CCDC91: variants seen among roughly 807,000 people sequenced by gnomAD.
CCDC91 encodes the protein coiled-coil domain containing 91.
In CCDC91, 48 loss-of-function variants were observed where a neutral mutation model predicts 63.2. The observed-to-expected ratio is 0.76, with a 90% CI of 0.60 to 0.97. CCDC91 has a LOEUF of 0.97. Ranked by LOEUF, CCDC91 falls within the 50% of genes least tolerant of loss-of-function variation. The pLI is 0.00. For missense variants in CCDC91, 500 were observed against 494.6 expected (o/e 1.01, Z -0.10); for synonymous variants, 167 against 165.8 (o/e 1.01, Z -0.06).
At chr12:28,357,622 T>C (rs1035865746) in intron 6 of CCDC91, among the ~76,000 whole-genome samples, 2 of 152,084 alleles carry the variant, frequency 1.3e-5, no homozygotes, top group Admixed American at 6.5e-5. Flanking sequence ...CAAATAAGCA[T>C]TAGGGTGGCT....
At chr12:28,257,545 T>G (rs573384637) in intron 2 of CCDC91, among the ~76,000 whole-genome samples, 4 of 152,248 alleles carry the variant, frequency 2.6e-5, no homozygotes, top group Non-Finnish European at 5.9e-5. Context: ...CAGATGATTT[T>G]ATTGGGATAC....
intron 11 of CCDC91, among the ~76,000 whole-genome samples, chr12:28,458,563 G>A (rs1335478727): frequency 7.5e-6 from 1 of 133,296 alleles, no homozygotes. Context: ...TCCCCCTCCT[G>A]GTTTCAAGCA....
intron 12 of CCDC91, among the ~76,000 whole-genome samples, chr12:28,531,561 T>G (rs1941734568): frequency 6.6e-6 from 1 of 152,210 alleles, no homozygotes; most frequent in Non-Finnish European, 1.5e-5. Context: ...ATCACTCATG[T>G]ACTGAGTACT....
chr12:28,487,463 A>G (rs1348635797), intron 12 of CCDC91, among the ~76,000 whole-genome samples: 1 of 151,884 alleles, frequency 6.6e-6, no homozygotes, highest in East Asian at 1.9e-4. Flanking sequence ...CAAAAAAGAT[A>G]TCTCAGAGCT....
At chr12:28,319,090 T>C (rs10843152) in intron 6 of CCDC91, among the ~76,000 whole-genome samples, 30,588 of 151,942 alleles carry the variant, frequency 0.2, 4,008 homozygotes, top group Non-Finnish European at 0.3. Flanking sequence ...GTTTTTCTGT[T>C]CCAAATGTTT....
At chr12:28,540,428 T>C (rs1182585195) in intron 12 of CCDC91, among the ~76,000 whole-genome samples, 1 of 152,178 alleles carries the variant, frequency 6.6e-6, no homozygotes, top group Non-Finnish European at 1.5e-5. Context: ...GACAGGTTTT[T>C]GCATTAGTGT....
intron 3 of CCDC91, among the ~76,000 whole-genome samples, chr12:28,281,851 T>A (rs183013771): frequency 1.7e-4 from 26 of 152,270 alleles, no homozygotes; most frequent in Admixed American, 5.9e-4. Flanking sequence ...AAGGACATAC[T>A]TTTTTGGTTT....
At chr12:28,412,924 C>T (rs1388728733) in intron 8 of CCDC91, 1 of 370,914 alleles carries the variant, frequency 2.7e-6, no homozygotes, top group Non-Finnish European at 5.4e-6. Flanking sequence ...CTCAATTCCA[C>T]CAGGAAGAAT....
rs1244791104 is a variant in CCDC91, at chr12:28,305,568, C to T, written c.110-81C>T. ...TTTTTTCTTTTCCTCTATTTCAGCT[C>T]TCTTTCTTCCTTTCAACCTGTTCCC... On this transcript the variant is annotated intron_variant, in intron 3 of 12. Transcript: ENST00000536442. The T allele has an allele frequency of 5.0e-6, 6 of 1,210,960 alleles. No individual in the cohort carries two copies. In the African/African-American group the frequency reaches 9.4e-5, roughly 19 times the overall value. The allele number at this position is 1,210,960 out of a possible 1,614,324, so 75.0% of individuals were successfully genotyped here.
At chr12:28,542,025 G>T (rs992124562) in intron 12 of CCDC91, among the ~76,000 whole-genome samples, 6 of 151,858 alleles carry the variant, frequency 4.0e-5, no homozygotes, top group Non-Finnish European at 8.8e-5. Context: ...AGTTGTTTTG[G>T]AAATTTTTAG....
intron 3 of CCDC91, among the ~76,000 whole-genome samples, chr12:28,261,778 A>G (rs1444012461): frequency 6.6e-6 from 1 of 151,946 alleles, no homozygotes; most frequent in African/African-American, 2.4e-5. Context: ...TTAGTGGGTC[A>G]AGTTCTCAAA....
At chr12:28,191,776 A>T (rs1400811436) in intron 1 of CCDC91, among the ~76,000 whole-genome samples, 1 of 152,140 alleles carries the variant, frequency 6.6e-6, no homozygotes, top group Non-Finnish European at 1.5e-5. Context: ...GGGATTGGTT[A>T]TACTGTCTGT....
intron 12 of CCDC91, among the ~76,000 whole-genome samples, chr12:28,507,152 A>T (rs182365513): frequency 6.6e-6 from 1 of 152,054 alleles, no homozygotes; most frequent in African/African-American, 2.4e-5. Context: ...TAGAGAAGAG[A>T]TTAAGGGGGT....
At chr12:28,523,497 C>A (rs938345036) in intron 12 of CCDC91, among the ~76,000 whole-genome samples, 2 of 152,102 alleles carry the variant, frequency 1.3e-5, no homozygotes, top group Non-Finnish European at 2.9e-5. Context: ...CTCCTGAATA[C>A]AGCACACTGA....
intron 12 of CCDC91, among the ~76,000 whole-genome samples, chr12:28,498,728 A>G (rs1022486938): frequency 4.0e-5 from 6 of 151,696 alleles, no homozygotes; most frequent in African/African-American, 1.5e-4. Flanking sequence ...AACTCTTTGA[A>G]ATTATGTTCA....
Position 28,250,912 on chromosome 12 carries a change from G to T in CCDC91, c.-14-6290G>T, listed in dbSNP as rs555939021. On this transcript the variant is annotated intron_variant, in intron 1 of 12. Coordinates refer to ENST00000536442, the MANE Select transcript of CCDC91 (RefSeq NM_018318.5). ...TTACATATTTTGACTCTTCTAATTA[G>T]CTCAGTCTTAATTGCTTTCTATTTT... is the stretch of plus-strand genomic sequence containing the variant. Among the ~76,000 whole-genome samples the T allele has an allele frequency of 1.5e-4, 22 of 151,440 alleles. No individual in the cohort carries two copies. The South Asian group carries it at 3.3e-3, about 23-fold the overall frequency.
intron 1 of CCDC91, among the ~76,000 whole-genome samples, chr12:28,238,576 C>T (rs1320454512): frequency 1.3e-5 from 2 of 152,148 alleles, no homozygotes; most frequent in Non-Finnish European, 2.9e-5. Context: ...TCTTTGAAAT[C>T]TAGCTCATAG....
chr12:28,473,138 T>G (rs1356100427), intron 11 of CCDC91, among the ~76,000 whole-genome samples: 23 of 152,286 alleles, frequency 1.5e-4, no homozygotes, highest in Admixed American at 1.5e-3. Context: ...AGCTAATGTC[T>G]TAAGCTATTC....
chr12:28,304,408 A>G (rs1938471569), intron 3 of CCDC91, among the ~76,000 whole-genome samples: 1 of 141,194 alleles, frequency 7.1e-6, no homozygotes, highest in Non-Finnish European at 1.6e-5. Context: ...AAAAGAAAAA[A>G]AAAAAAAGAA....
Sources: gnomAD v4.1 joint callset for allele counts (sites outside exome capture counted in the v4.1 genomes callset) on GRCh38, gnomAD v4.1.1 for gene constraint, MANE v1.5 for transcripts, NCBI Gene and HGNC (gene_info 2026-07-23, HGNC 2026-07-21) for gene names.